ZFAND3: variants seen among roughly 807,000 people sequenced by gnomAD.
The protein encoded by ZFAND3 is zinc finger AN1-type containing 3.
In ZFAND3, 10 loss-of-function variants were observed where a neutral mutation model predicts 29.6. The ratio of observed to expected loss-of-function variants is 0.34; its 90% CI spans 0.21 to 0.57. ZFAND3 has a LOEUF of 0.57. Ranked by LOEUF, ZFAND3 falls within the 20% of genes least tolerant of loss-of-function variation. The pLI, the probability that ZFAND3 is intolerant of heterozygous loss-of-function variation, is 0.86. For synonymous variants in ZFAND3, 128 were observed against 112.6 expected (o/e 1.14, Z -0.87); for missense variants, 230 against 304.5 (o/e 0.76, Z 1.82).
intron 3 of ZFAND3, among the ~76,000 whole-genome samples, chr6:38,062,919 T>G (rs1280493626): frequency 6.6e-6 from 1 of 150,880 alleles, no homozygotes; most frequent in Non-Finnish European, 1.5e-5. Flanking sequence ...GACTCTTGTC[T>G]CTACCAAAAA....
intron 5 of ZFAND3, among the ~76,000 whole-genome samples, chr6:38,122,992 G>A (rs1230467800): frequency 2.6e-5 from 4 of 152,196 alleles, no homozygotes; most frequent in African/African-American, 9.7e-5. Context: ...TAGAAAGGGA[G>A]GAAAAGGATT....
Position 38,074,085 on chromosome 6 carries a change from CA to C in ZFAND3, c.296-8306del, listed in dbSNP as rs377391725. Among the ~76,000 whole-genome samples, 470 of 152,280 alleles carry C rather than the reference CA, an allele frequency of 3.1e-3. 3 individuals carry two copies. Among genetic ancestry groups the C allele is most frequent in the African/African-American group, 0.011 (447 of 41,556 alleles). The stretch of plus-strand genomic sequence containing the variant: ...TGGATCTTATATTAACCTTTAGGTT[CA>C]CTGGTTCTATACCAGTGGTTCTCAA... On this transcript the variant is annotated intron_variant, in intron 3 of 5. Transcript: ENST00000287218.
intron 4 of ZFAND3, among the ~76,000 whole-genome samples, chr6:38,102,568 C>A (rs1030475493): frequency 6.6e-6 from 1 of 152,160 alleles, no homozygotes; most frequent in African/African-American, 2.4e-5. Flanking sequence ...TCGAAGACTT[C>A]TAGCTTGTCT....
At chr6:38,102,041 T>C (rs1183519563) in intron 4 of ZFAND3, among the ~76,000 whole-genome samples, 1 of 152,176 alleles carries the variant, frequency 6.6e-6, no homozygotes, top group Admixed American at 6.5e-5. Flanking sequence ...TAGATTACCA[T>C]CATTAGCAAC....
intron 2 of ZFAND3, chr6:38,003,755 C>T (rs1480175530): frequency 4.5e-6 from 2 of 445,952 alleles, no homozygotes; most frequent in African/African-American, 4.1e-5. Context: ...ATCCACCTGC[C>T]TCAGCCTCCC....
At chr6:37,909,946 A>C (rs765922697) in intron 1 of ZFAND3, among the ~76,000 whole-genome samples, 10 of 152,190 alleles carry the variant, frequency 6.6e-5, no homozygotes, top group Non-Finnish European at 1.3e-4. Flanking sequence ...AAATGTGTTA[A>C]AGCATGGAAT....
At chr6:37,866,956 C>T (rs1764600895) in intron 1 of ZFAND3, among the ~76,000 whole-genome samples, 2 of 152,160 alleles carry the variant, frequency 1.3e-5, no homozygotes, top group African/African-American at 2.4e-5. Context: ...AAGGCAACTC[C>T]ATTTGTGGAG....
chr6:37,886,512 A>AAGT (rs1369822860), intron 1 of ZFAND3, among the ~76,000 whole-genome samples: 1 of 152,154 alleles, frequency 6.6e-6, no homozygotes, highest in Admixed American at 6.5e-5. Context: ...TTTGGGTCAG[A>AAGT]AGTAGTGGTT....
At chr6:38,093,930 C>T (rs1764922311) in intron 4 of ZFAND3, among the ~76,000 whole-genome samples, 1 of 151,598 alleles carries the variant, frequency 6.6e-6, no homozygotes, top group Non-Finnish European at 1.5e-5. Context: ...AAAAGGGATC[C>T]AGGAAGAGAA....
At chr6:37,932,060 G>A (rs1022668483) in intron 2 of ZFAND3, among the ~76,000 whole-genome samples, 7 of 152,146 alleles carry the variant, frequency 4.6e-5, no homozygotes, top group African/African-American at 1.7e-4. Flanking sequence ...CACGAGGTCT[G>A]GAGAGCGAGA....
At chr6:37,956,115 GC>G (rs1248246441) in intron 2 of ZFAND3, among the ~76,000 whole-genome samples, 1 of 152,100 alleles carries the variant, frequency 6.6e-6, no homozygotes, top group Non-Finnish European at 1.5e-5. Context: ...TTGAAAAATT[GC>G]CACGTTAAGA....
intron 2 of ZFAND3, among the ~76,000 whole-genome samples, chr6:38,034,730 A>G (rs1763626006): frequency 6.6e-6 from 1 of 152,212 alleles, no homozygotes; most frequent in Admixed American, 6.5e-5. Context: ...TGATCTAGAC[A>G]AAAGAGGAAT....
chr6:38,077,384 A>G (rs1158417438), intron 3 of ZFAND3, among the ~76,000 whole-genome samples: 3 of 152,210 alleles, frequency 2.0e-5, no homozygotes, highest in African/African-American at 7.2e-5. Flanking sequence ...TGCATTTTTA[A>G]TTAGCCTACA....
intron 5 of ZFAND3, among the ~76,000 whole-genome samples, chr6:38,127,851 GTGCCT>G (rs1765663939): frequency 6.6e-6 from 1 of 152,196 alleles, no homozygotes; most frequent in African/African-American, 2.4e-5. Context: ...CCTCATGGCA[GTGCCT>G]GCTCCTCCCT....
Position 38,006,469 on chromosome 6 carries a change from C to G in ZFAND3, c.113-55124C>G, listed in dbSNP as rs17648634. On this transcript the variant is annotated intron_variant, in intron 2 of 5. Coordinates refer to ENST00000287218, the MANE Select transcript of ZFAND3 (RefSeq NM_021943.3). ...GTGTTCTTCTGGAACTCTGCTGTTTCGAGTGCTTTTTGTCCTCATTCAGTA... is the reference window on the plus strand; with the variant it reads ...GTGTTCTTCTGGAACTCTGCTGTTTGGAGTGCTTTTTGTCCTCATTCAGTA... Among the ~76,000 whole-genome samples, 128 of 152,044 alleles carry G rather than the reference C, an allele frequency of 8.4e-4. 1 individual carries two copies. Among genetic ancestry groups the G allele is most frequent in the African/African-American group, 3.0e-3 (126 of 41,486 alleles).
At chr6:37,983,232 AG>A (rs1762609688) in intron 2 of ZFAND3, among the ~76,000 whole-genome samples, 4 of 151,856 alleles carry the variant, frequency 2.6e-5, no homozygotes, top group Admixed American at 2.6e-4. Context: ...TAAACCCCAC[AG>A]TAATGTGCTA....
At chr6:37,985,567 C>T (rs1762657764) in intron 2 of ZFAND3, among the ~76,000 whole-genome samples, 1 of 151,716 alleles carries the variant, frequency 6.6e-6, no homozygotes, top group Admixed American at 6.6e-5. Flanking sequence ...GTGGTTCCAG[C>T]TACTCAGGAG....
At chr6:38,010,251 A>G (rs967863558) in intron 2 of ZFAND3, among the ~76,000 whole-genome samples, 1 of 152,156 alleles carries the variant, frequency 6.6e-6, no homozygotes, top group Non-Finnish European at 1.5e-5. Flanking sequence ...TAGCATGCAT[A>G]GCTTTGGGAT....
chr6:37,972,377 A>T (rs1006570487), intron 2 of ZFAND3, among the ~76,000 whole-genome samples: 2 of 151,950 alleles, frequency 1.3e-5, no homozygotes, highest in Non-Finnish European at 2.9e-5. Flanking sequence ...AGGCTTCAGA[A>T]ATAATGGATA....
Sources: allele counts gnomAD v4.1 joint callset (sites outside exome capture counted in the v4.1 genomes callset), GRCh38; gene constraint gnomAD v4.1.1; transcripts MANE v1.5; gene names NCBI Gene and HGNC (gene_info 2026-07-23, HGNC 2026-07-21).